STRN: variants seen among roughly 807,000 people sequenced by gnomAD.
STRN encodes protein phosphatase 2 regulatory subunit B'''alpha.
A neutral mutation model predicts 96.3 loss-of-function variants in STRN; 53 were observed. The observed-to-expected ratio is 0.55, with a 90% confidence interval of 0.44 to 0.69. The LOEUF (loss-of-function observed/expected upper bound fraction) is 0.69, where lower values mean the gene tolerates loss of function less well. Ranked by LOEUF, STRN falls within the 30% of genes least tolerant of loss-of-function variation. STRN has a pLI of 0.00. For synonymous variants in STRN, 428 were observed against 355.9 expected (o/e 1.20, Z -2.28); for missense variants, 987 against 963.9 (o/e 1.02, Z -0.32).
intron 10 of STRN, 31 bp downstream of exon 10, chr2:36,877,860 T>C: frequency 6.2e-7 from 1 of 1,611,084 alleles, no homozygotes; most frequent in Non-Finnish European, 8.5e-7. Flanking sequence ...AAAAACCAAG[T>C]AAACACAACA....
chr2:36,901,191 A>T (rs1054757758), intron 5 of STRN, among the ~76,000 whole-genome samples: 1 of 152,198 alleles, frequency 6.6e-6, no homozygotes, highest in Non-Finnish European at 1.5e-5. Context: ...GCCAAAACAC[A>T]CAAGAGTGGT....
intron 6 of STRN, among the ~76,000 whole-genome samples, chr2:36,895,841 G>A (rs973077062): frequency 6.6e-6 from 1 of 151,818 alleles, no homozygotes; most frequent in Non-Finnish European, 1.5e-5. Flanking sequence ...GGAGAATGGC[G>A]TGAACCCAGG....
Position 36,963,783 on chromosome 2 carries a change from C to G in STRN, c.234+2447G>C, listed in dbSNP as rs113628835. Among the ~76,000 whole-genome samples the G allele has an allele frequency of 3.1e-3, 475 of 152,016 alleles. 1 individual carries two copies. Among genetic ancestry groups the G allele is most frequent in the African/African-American group, 0.011 (463 of 41,468 alleles). Reference sequence around the variant, plus strand: ...ACCAACCTGGCCAACATTGTGAAACCCCGTCTCTACCAAAAATACAAAAAT... The same window carrying G: ...ACCAACCTGGCCAACATTGTGAAACGCCGTCTCTACCAAAAATACAAAAAT... On this transcript the variant is annotated intron_variant, in intron 1 of 17. Coordinates refer to ENST00000263918, the MANE Select transcript of STRN (RefSeq NM_003162.4).
rs139276394 is a variant in STRN, at chr2:36,963,273, C to G, written c.234+2957G>C. ...AGTCTTCCCTGGCAACCTGAAAGAG[C>G]AGGACTGACAGGTTCTTGAAGAGGC... is the stretch of plus-strand genomic sequence containing the variant. On this transcript the variant is annotated intron_variant, in intron 1 of 17. Transcript: ENST00000263918. 7.1e-3 allele frequency among the ~76,000 whole-genome samples: 1,078 copies of G among 152,258 alleles called. 18 individuals are homozygous for G. The highest frequency in any genetic ancestry group is 0.025 in the African/African-American group (1,037 of 41,554).
intron 4 of STRN, 138 bp downstream of exon 4, chr2:36,905,402 C>G: frequency 4.2e-6 from 3 of 709,006 alleles, no homozygotes; most frequent in South Asian, 1.9e-5. Flanking sequence ...GAAAAAGGAA[C>G]AGTAATTCAA....
At chr2:36,894,704 T>C (rs565293067) in intron 6 of STRN, among the ~76,000 whole-genome samples, 1 of 152,216 alleles carries the variant, frequency 6.6e-6, no homozygotes, top group Non-Finnish European at 1.5e-5. Context: ...ACTCACTTCA[T>C]GCAAAACAGA....
rs113239754 is a variant in STRN at position 36,924,893 on chromosome 2, C to A, written c.338+212G>T. ...CCAACATGGGGAAACCATGACTCTA[C>A]TAAAAATACAAAATTAGCTGGGTGT... is the stretch of plus-strand genomic sequence containing the variant. On this transcript the variant is annotated intron_variant, in intron 2 of 17. Transcript: ENST00000263918. 2.2e-3 allele frequency among the ~76,000 whole-genome samples: 334 copies of A among 152,220 alleles called. 1 individual carries two copies. Among genetic ancestry groups the A allele is most frequent in the Middle Eastern group, 0.01 (3 of 294 alleles).
chr2:36,854,576 A>G (rs1668298403), intron 15 of STRN, among the ~76,000 whole-genome samples: 1 of 152,196 alleles, frequency 6.6e-6, no homozygotes. Context: ...CACACACAAC[A>G]TATCATCACT....
intron 6 of STRN, among the ~76,000 whole-genome samples, chr2:36,897,446 T>TA (rs1472274976): frequency 2.9e-4 from 42 of 145,364 alleles, no homozygotes; most frequent in South Asian, 1.1e-3. Context: ...TATATATATA[T>TA]TTTTTTTTTG....
intron 1 of STRN, among the ~76,000 whole-genome samples, chr2:36,955,251 C>T (rs1375468268): frequency 1.3e-5 from 2 of 152,168 alleles, no homozygotes; most frequent in Admixed American, 6.6e-5. Flanking sequence ...AACCAATTCA[C>T]ACAGTGACCT....
intron 15 of STRN, among the ~76,000 whole-genome samples, chr2:36,852,335 G>C (rs1037272247): frequency 2.6e-5 from 4 of 152,064 alleles, no homozygotes; most frequent in Non-Finnish European, 4.4e-5. Context: ...GAGAGGAAGG[G>C]GTGTCCTTGT....
chr2:36,952,346 T>C (rs769340800), intron 1 of STRN, among the ~76,000 whole-genome samples: 1 of 151,688 alleles, frequency 6.6e-6, no homozygotes, highest in Non-Finnish European at 1.5e-5. Context: ...GTCAGACAGG[T>C]TTCCCAGAAT....
Position 36,858,372 on chromosome 2 carries a change from TCA to T in STRN, c.1670-351_1670-350del, listed in dbSNP as rs147435152. Among the ~76,000 whole-genome samples the T allele has an allele frequency of 3.7e-3, 564 of 152,284 alleles. 2 individuals are homozygous for T. The highest frequency in any genetic ancestry group is 0.013 in the African/African-American group (544 of 41,552). ...AATTCATCTTTGGAGAAACCACAACTCACACTCCCTGAGGAAGTGAACAGAGA... is the reference window on the plus strand; with the variant it reads ...AATTCATCTTTGGAGAAACCACAACTCACTCCCTGAGGAAGTGAACAGAGA... On this transcript the variant is annotated intron_variant, in intron 13 of 17. Coordinates refer to ENST00000263918, the MANE Select transcript of STRN (RefSeq NM_003162.4).
intron 1 of STRN, among the ~76,000 whole-genome samples, chr2:36,936,112 C>T (rs1670694595): frequency 6.6e-6 from 1 of 151,970 alleles, no homozygotes; most frequent in Admixed American, 6.6e-5. Flanking sequence ...TGCCTAATCC[C>T]CTGAATAAAG....
intron 1 of STRN, among the ~76,000 whole-genome samples, chr2:36,940,758 A>G (rs1388583041): frequency 6.7e-6 from 1 of 148,320 alleles, no homozygotes; most frequent in African/African-American, 2.5e-5. Context: ...AATGGTGTGA[A>G]CCCGCGAAGC....
intron 16 of STRN, among the ~76,000 whole-genome samples, chr2:36,850,636 G>A (rs1436649605): frequency 6.6e-6 from 1 of 152,072 alleles, no homozygotes; most frequent in East Asian, 1.9e-4. Flanking sequence ...ATGACCATAT[G>A]CCTCTATTTC....
In STRN at chr2:36,906,324, T is replaced by C. The variant is rs148400953; in HGVS notation, c.413-706A>G. Reference sequence around the variant, plus strand: ...TACAAAAAAAATTATCTGGGCATAGTGGCACGCAGCTGTGGTCCCAGCTAC... The same window carrying C: ...TACAAAAAAAATTATCTGGGCATAGCGGCACGCAGCTGTGGTCCCAGCTAC... On this transcript the variant is annotated intron_variant, in intron 3 of 17. Coordinates refer to ENST00000263918, the MANE Select transcript of STRN (RefSeq NM_003162.4). Among the ~76,000 whole-genome samples the C allele has an allele frequency of 7.3e-5, 11 of 151,654 alleles. No homozygotes were observed. In the East Asian group the frequency reaches 1.6e-3, roughly 22 times the overall value.
intron 15 of STRN, among the ~76,000 whole-genome samples, chr2:36,853,091 A>G (rs1286776602): frequency 6.6e-6 from 1 of 152,134 alleles, no homozygotes; most frequent in South Asian, 2.1e-4. Flanking sequence ...CAGGAGGTGG[A>G]GGTTGCAGTA....
At position 36,899,531 on chromosome 2, in the gene STRN, T is replaced by A. The variant is rs963043373; in HGVS notation, c.787A>T (p.Thr263Ser). ...VDGREKSVID[T>S]STIVRKKALP... ...TGAGTTATCTAACTCACTGTTGAAG[T>A]ATCAATGACGCTTTTCTCTCTTCCA... The change falls in exon 6 of 18, where the codon ACT becomes TCT. Residue 263 changes from threonine (T) to serine (S), a missense_variant. By Grantham distance (58) the Thr-to-Ser change is moderately conservative (BLOSUM62 1). Coordinates refer to ENST00000263918, the MANE Select transcript of STRN (RefSeq NM_003162.4). The A allele has an allele frequency of 1.9e-6, 3 of 1,611,834 alleles. No individual in the cohort carries two copies. Among genetic ancestry groups the A allele is most frequent in the Non-Finnish European group, 1.7e-6 (2 of 1,179,550 alleles).
Sources: allele counts gnomAD v4.1 joint callset (sites outside exome capture counted in the v4.1 genomes callset), GRCh38; gene constraint gnomAD v4.1.1; transcripts MANE v1.5; gene names NCBI Gene and HGNC (gene_info 2026-07-23, HGNC 2026-07-21).